Variants in UBQLN4 observed in about 807,000 individuals in gnomAD.
UBQLN4 encodes ubiquilin-4.
Under a neutral mutation model 60.4 loss-of-function variants are expected in UBQLN4, and 11 were observed. The observed-to-expected ratio is 0.18, with a 90% CI of 0.11 to 0.30. The LOEUF (loss-of-function observed/expected upper bound fraction) is 0.30, where lower values mean the gene tolerates loss of function less well. Ranked by LOEUF, UBQLN4 falls within the 10% of genes least tolerant of loss-of-function variation. The pLI, the probability that UBQLN4 is intolerant of heterozygous loss-of-function variation, is 1.00. For missense variants in UBQLN4, 417 were observed against 795.5 expected (o/e 0.52, Z 5.72); for synonymous variants, 258 against 313.1 (o/e 0.82, Z 1.86).
chr1:156,046,225 C>T (rs970795699), intron 5 of UBQLN4, among the ~76,000 whole-genome samples: 6 of 151,448 alleles, frequency 4.0e-5, no homozygotes, highest in Non-Finnish European at 8.8e-5. Context: ...CGGTGGCTCA[C>T]GCCTATAATC....
At position 156,048,172 on chromosome 1, in the gene UBQLN4, G is replaced by A. The variant is rs928376362; in HGVS notation, c.900+329C>T. Among the ~76,000 whole-genome samples, 2 of 152,078 alleles carry A rather than the reference G, an allele frequency of 1.3e-5. No individual in the cohort carries two copies. The highest frequency in any genetic ancestry group is 1.3e-4 in the Admixed American group (2 of 15,264). On this transcript the variant is annotated intron_variant, in intron 5 of 10. Coordinates refer to ENST00000368309, the MANE Select transcript of UBQLN4 (RefSeq NM_020131.5). This position sits in a 1 kb window ranked among gnomAD's most constrained non-coding sequence, Gnocchi z 4.9. ...GTGATTCTGATGCAGGTGATCCATG[G>A]ACCATACTTGAGACATGCTGTATCA...
In UBQLN4 at chr1:156,048,484, C is replaced by G. The variant is rs1315068579; in HGVS notation, c.900+17G>C. 1 of 1,602,672 alleles carries G rather than the reference C, an allele frequency of 6.2e-7. No individual in the cohort carries two copies. Among genetic ancestry groups the G allele is most frequent in the East Asian group, 2.2e-5 (1 of 44,558 alleles). On this transcript the variant is annotated intron_variant, in intron 5 of 10. Transcript: ENST00000368309. The surrounding 1 kb of genome is among the most constrained non-coding windows in gnomAD (Gnocchi z 4.9). Reference sequence around the variant, plus strand: ...AGCCCAGACAGCCCAACCCACTACCCTGGCCCTTGATCCCACCTGTTCCCG... The same window carrying G: ...AGCCCAGACAGCCCAACCCACTACCGTGGCCCTTGATCCCACCTGTTCCCG...
intron 5 of UBQLN4, among the ~76,000 whole-genome samples, chr1:156,047,339 G>T (rs1683731046): frequency 6.6e-6 from 1 of 151,262 alleles, no homozygotes; most frequent in East Asian, 2.0e-4. Context: ...TGCCTCCCGG[G>T]TTCAAGCGAT....
At chr1:156,051,928 T>A (rs1201066519) in intron 1 of UBQLN4, 71 bp from the exon 2 acceptor site, 1 of 1,586,738 alleles carries the variant, frequency 6.3e-7, no homozygotes, top group Non-Finnish European at 8.6e-7. Flanking sequence ...TGACTCTTTT[T>A]CAACACCTTC....
At chr1:156,038,847 G>A (rs1269294484) in intron 10 of UBQLN4, among the ~76,000 whole-genome samples, 1 of 129,346 alleles carries the variant, frequency 7.7e-6, no homozygotes, top group Non-Finnish European at 1.6e-5. Context: ...GTCTCGCTCT[G>A]TCACCCAGGC....
chr1:156,043,918 G>A (rs778998806), intron 6 of UBQLN4, 80 bp downstream of exon 6: 103 of 1,429,264 alleles, frequency 7.2e-5, no homozygotes, highest in Non-Finnish European at 9.0e-5. Context: ...AAATCCTGGA[G>A]CAGTATGAAC....
chr1:156,049,103 C>G (rs563981905), intron 4 of UBQLN4, among the ~76,000 whole-genome samples: 1 of 152,330 alleles, frequency 6.6e-6, no homozygotes, highest in South Asian at 2.1e-4. Context: ...CCACAATAAC[C>G]ATCTCAGGTG....
Position 156,048,691 on chromosome 1 carries a change from G to A in UBQLN4, c.742-32C>T, listed in dbSNP as rs779272126. The A allele has an allele frequency of 1.7e-5, 27 of 1,600,672 alleles. No individual in the cohort carries two copies. Among genetic ancestry groups the A allele is most frequent in the Admixed American group, 8.4e-5 (5 of 59,640 alleles). On this transcript the variant is annotated intron_variant, in intron 4 of 10. Transcript: ENST00000368309. The surrounding 1 kb of genome is among the most constrained non-coding windows in gnomAD (Gnocchi z 4.9). Reference sequence around the variant, plus strand: ...AAGGGAGAGAGACAAAATGGGCCCCGGAACCAGGGGAGCACCAACCTAGGA... The same window carrying A: ...AAGGGAGAGAGACAAAATGGGCCCCAGAACCAGGGGAGCACCAACCTAGGA...
chr1:156,051,141 C>T lies in UBQLN4; in HGVS notation c.447G>A (p.Glu149=). The change falls in exon 3 of 11, where the codon GAG becomes GAA. Residue 149 remains glutamate, a synonymous_variant. Coordinates refer to ENST00000368309, the MANE Select transcript of UBQLN4 (RefSeq NM_020131.5). The part of the protein sequence containing the change: ...SGGGPSPGAG[E]GSPSATASIL... The stretch of plus-strand genomic sequence containing the variant: ...TGGACGCAGTAGCACTGGGGGATCC[C>T]TCCCCAGCCCCCGGAGAGGGCCCCC... The T allele has an allele frequency of 1.9e-6, 3 of 1,613,054 alleles. No individual in the cohort carries two copies. Among genetic ancestry groups the T allele is most frequent in the Non-Finnish European group, 2.5e-6 (3 of 1,179,504 alleles).
intron 10 of UBQLN4, among the ~76,000 whole-genome samples, chr1:156,038,740 CAAGT>C: frequency 6.6e-6 from 1 of 151,420 alleles, no homozygotes; most frequent in East Asian, 1.9e-4. Flanking sequence ...AGGCTGGTCT[CAAGT>C]GATCCTCCTG....
intron 10 of UBQLN4, among the ~76,000 whole-genome samples, chr1:156,039,245 C>CTTTTTTT (rs34866268): frequency 3.6e-5 from 3 of 82,498 alleles, no homozygotes; most frequent in Admixed American, 1.4e-4. Flanking sequence ...CCTGGCCTGG[C>CTTTTTTT]TTTTTTTTTT....
intron 9 of UBQLN4, 79 bp from the exon 10 acceptor site, chr1:156,041,750 G>T: frequency 2.1e-6 from 3 of 1,456,944 alleles, no homozygotes; most frequent in Non-Finnish European, 2.7e-6. Flanking sequence ...AGGAAAAGCA[G>T]TTGGAAGAAA....
At position 156,050,973 on chromosome 1, in the gene UBQLN4, A is replaced by G; in HGVS notation, c.478+137T>C. On this transcript the variant is annotated intron_variant, in intron 3 of 10. Transcript: ENST00000368309. This position sits in a 1 kb window ranked among gnomAD's most constrained non-coding sequence, Gnocchi z 4.6. ...GTTTCTTCCCCAGCTTGACTCAAGT[A>G]TCAATGTCTGGAACTCTGTCATGGG... 1 of 823,134 alleles carries G rather than the reference A, an allele frequency of 1.2e-6. No homozygotes were observed. Among genetic ancestry groups the G allele is most frequent in the Non-Finnish European group, 2.0e-6 (1 of 509,384 alleles). The allele number at this position is 823,134 out of a possible 1,614,324, so 51.0% of individuals were successfully genotyped here.
rs1683878696 is a variant in UBQLN4 at position 156,051,780 on chromosome 1, C to T, written c.186G>A (p.Lys62=). Residue 62 remains lysine (K), a synonymous_variant, in exon 2 of 11, where the codon AAG becomes AAA. Coordinates refer to ENST00000368309, the MANE Select transcript of UBQLN4 (RefSeq NM_020131.5). ...LVLIFAGKIL[K]DGDTLNQHGI... Reference sequence around the variant, plus strand: ...CGTGCTGGTTCAGTGTGTCCCCATCCTTGAGGATCTTGCCTGCGAAGATCA... The same window carrying T: ...CGTGCTGGTTCAGTGTGTCCCCATCTTTGAGGATCTTGCCTGCGAAGATCA... 4 of 1,614,046 alleles carry T rather than the reference C, an allele frequency of 2.5e-6. No homozygotes were observed. The highest frequency in any genetic ancestry group is 2.5e-6 in the Non-Finnish European group (3 of 1,180,030).
intron 1 of UBQLN4, 115 bp downstream of exon 1, chr1:156,053,479 C>G (rs1476576581): frequency 1.3e-6 from 1 of 798,884 alleles, no homozygotes; most frequent in East Asian, 3.6e-5. Context: ...GGAGTCCCAG[C>G]CGGCCCCCGC....
In UBQLN4 at chr1:156,042,140, G is replaced by C. The variant is rs978002559; in HGVS notation, c.1350+13C>G. The C allele has an allele frequency of 3.1e-6, 5 of 1,605,512 alleles. No individual in the cohort carries two copies. The African/African-American group carries it at 6.7e-5, about 22-fold the overall frequency. The stretch of plus-strand genomic sequence containing the variant: ...TTGCCCTCAACCTCCACCCATCTAG[G>C]CTCCTCACTCACCTGCTGCAGGAAG... On this transcript the variant is annotated intron_variant, in intron 8 of 10. Transcript: ENST00000368309.
rs1268723732 is a variant in UBQLN4, at chr1:156,041,424, C to G, written c.1653+61G>C. On this transcript the variant is annotated intron_variant, in intron 10 of 10. Coordinates refer to ENST00000368309, the MANE Select transcript of UBQLN4 (RefSeq NM_020131.5). Reference sequence around the variant, plus strand: ...CCTACTGCCTCTATTCTATTGCTTCCCTTGAAACCTCCCAGGATCAAAGTG... The same window carrying G: ...CCTACTGCCTCTATTCTATTGCTTCGCTTGAAACCTCCCAGGATCAAAGTG... 15 of 1,469,164 alleles carry G rather than the reference C, an allele frequency of 1.0e-5. No homozygotes were observed. The East Asian group carries it at 3.7e-4, about 36-fold the overall frequency. 91.0% of individuals were successfully genotyped at this position (1,469,164 alleles called of 1,614,324 possible). A position where few individuals can be genotyped will look rare whatever the true frequency, so the allele number is the denominator to read the frequency against.
Position 156,050,393 on chromosome 1 carries a change from A to C in UBQLN4, c.639T>G (p.Asp213Glu). Residue 213 changes from aspartate (D) to glutamate (E), a missense_variant, in exon 4 of 11, where the codon GAT (aspartate) becomes GAG (glutamate). Physicochemically the swap from Asp to Glu is conservative, Grantham distance 45. Coordinates refer to ENST00000368309, the MANE Select transcript of UBQLN4 (RefSeq NM_020131.5). This position sits in a 1 kb window ranked among gnomAD's most constrained non-coding sequence, Gnocchi z 4.6. Reference protein sequence around the residue: ...PLVQDMMSNPDLMRHMIMANP... With the variant: ...PLVQDMMSNPELMRHMIMANP... ...TGGCCATAATCATGTGACGCATCAG[A>C]TCAGGGTTAGACATCATATCCTGGA... 5 of 1,614,040 alleles carry C rather than the reference A, an allele frequency of 3.1e-6. No individual in the cohort carries two copies. The highest frequency in any genetic ancestry group is 4.2e-6 in the Non-Finnish European group (5 of 1,179,962).
chr1:156,051,605 G>A (rs1683873410), intron 2 of UBQLN4, 101 bp downstream of exon 2: 1 of 1,540,326 alleles, frequency 6.5e-7, no homozygotes. Context: ...ACCTGCCTGG[G>A]CCTCAGCTTA....
Sources: allele counts gnomAD v4.1 joint callset (sites outside exome capture counted in the v4.1 genomes callset), GRCh38; gene constraint gnomAD v4.1.1; non-coding constraint Gnocchi (gnomAD v3.1); transcripts MANE v1.5; gene names NCBI Gene and HGNC (gene_info 2026-07-23, HGNC 2026-07-21).